The following CIDEC variants were observed in gnomAD, a reference collection of about 807,000 sequenced individuals.
The protein encoded by CIDEC is cell death inducing DFFA like effector c.
CIDEC carries 11 observed loss-of-function variants against 21.9 expected under a neutral mutation model. The ratio of observed to expected loss-of-function variants is 0.50; its 90% CI spans 0.32 to 0.83. The LOEUF (loss-of-function observed/expected upper bound fraction) is 0.83, where lower values mean the gene tolerates loss of function less well. Among genes scored for constraint, CIDEC ranks in the 40% least tolerant of loss-of-function variants. The pLI is 0.04. For synonymous variants in CIDEC, 127 were observed against 124.9 expected (o/e 1.02, Z -0.11); for missense variants, 302 against 302.3 (o/e 1.00, Z 0.01).
At chr3:9,878,681 C>A (rs909058055) in intron 2 of CIDEC, 170 bp from the exon 3 acceptor site, 2 of 1,438,758 alleles carry the variant, frequency 1.4e-6, no homozygotes, top group African/African-American at 1.4e-5. Flanking sequence ...CCCATGCATG[C>A]CAACCAAGAC....
At chr3:9,869,238 C>A (rs1218035742) in intron 6 of CIDEC, among the ~76,000 whole-genome samples, 1 of 151,874 alleles carries the variant, frequency 6.6e-6, no homozygotes, top group African/African-American at 2.4e-5. Flanking sequence ...TCAATTAAGT[C>A]TTTGACACGT....
chr3:9,877,002 C>T (rs2082432755), intron 4 of CIDEC, 64 bp downstream of exon 4: 6 of 1,404,888 alleles, frequency 4.3e-6, no homozygotes, highest in Non-Finnish European at 5.9e-6. Flanking sequence ...CTTCTAAGCC[C>T]TGACCTCCAT....
rs149965156 is a variant in CIDEC, at chr3:9,868,520, C to T, written c.555-1224G>A. On this transcript the variant is annotated intron_variant, in intron 6 of 6. Transcript: ENST00000336832. Reference sequence around the variant, plus strand: ...TCCTCATGGGTAAAATGGGATTGCACCTGCCACCCAGGGTCATAAGGCTGA... The same window carrying T: ...TCCTCATGGGTAAAATGGGATTGCATCTGCCACCCAGGGTCATAAGGCTGA... 2.6e-3 allele frequency among the ~76,000 whole-genome samples: 403 copies of T among 152,254 alleles called. 1 individual carries two copies. Among genetic ancestry groups the T allele is most frequent in the African/African-American group, 9.3e-3 (385 of 41,544 alleles).
intron 4 of CIDEC, among the ~76,000 whole-genome samples, chr3:9,875,284 G>A (rs1394266938): frequency 6.6e-6 from 1 of 151,708 alleles, no homozygotes; most frequent in African/African-American, 2.4e-5. Context: ...GGCTGAGGCA[G>A]GAGAATGGTG....
At chr3:9,879,308 C>T (rs2082474029) in intron 1 of CIDEC, among the ~76,000 whole-genome samples, 3 of 152,062 alleles carry the variant, frequency 2.0e-5, no homozygotes, top group South Asian at 2.1e-4. Context: ...CCTGCCACCA[C>T]GCCCAGCTAA....
At chr3:9,876,554 C>T (rs1389155381) in intron 4 of CIDEC, among the ~76,000 whole-genome samples, 1 of 150,258 alleles carries the variant, frequency 6.7e-6, no homozygotes, top group Non-Finnish European at 1.5e-5. Flanking sequence ...CTCAGGAGTT[C>T]GAGACCAGCC....
chr3:9,869,476 C>T (rs1214419588), intron 6 of CIDEC, among the ~76,000 whole-genome samples: 1 of 152,110 alleles, frequency 6.6e-6, no homozygotes, highest in Non-Finnish European at 1.5e-5. Context: ...TCTCAAACTC[C>T]TGACCTCAAG....
chr3:9,878,259 A>G, intron 3 of CIDEC, 175 bp downstream of exon 3: 1 of 665,374 alleles, frequency 1.5e-6, no homozygotes, highest in Non-Finnish European at 2.8e-6. Context: ...CAGCATTAAT[A>G]TCACCCAGGG....
intron 2 of CIDEC, 100 bp from the exon 3 acceptor site, chr3:9,878,611 T>G (rs1266556712): frequency 8.0e-7 from 1 of 1,243,502 alleles, no homozygotes; most frequent in African/African-American, 1.5e-5. Context: ...TCAGCAACCT[T>G]CCTCCCTATT....
Position 9,867,232 on chromosome 3 carries a change from A to C in CIDEC, c.619T>G (p.Cys207Gly), listed in dbSNP as rs148620862. ...ATGHVLLGTS[C>G]YLQQLLDATE... is the part of the protein sequence containing the mutation. ...GCATCGAGGAGCTGCTGCAGGTAACAGGAGGTGCCAAGCAGTACGTGGCCT... is the reference window on the plus strand; with the variant it reads ...GCATCGAGGAGCTGCTGCAGGTAACCGGAGGTGCCAAGCAGTACGTGGCCT... The change falls in exon 7 of 7, where the codon TGT (cysteine) becomes GGT (glycine). Residue 207 changes from cysteine (C) to glycine (G), a missense_variant. Coordinates refer to ENST00000336832, the MANE Select transcript of CIDEC (RefSeq NM_001321142.2). 1 of 1,614,182 alleles carries C rather than the reference A, an allele frequency of 6.2e-7. No homozygotes were observed.
In CIDEC at chr3:9,877,049, C is replaced by T. The variant is rs776144628; in HGVS notation, c.207+17G>A. ...CCCAGCTCACAGCTGGGCTGTGCAA[C>T]GCGCAGGTGCTCTCACCTTGAGGAG... is the stretch of plus-strand genomic sequence containing the variant. On this transcript the variant is annotated intron_variant, in intron 4 of 6. Coordinates refer to ENST00000336832, the MANE Select transcript of CIDEC (RefSeq NM_001321142.2). The T allele has an allele frequency of 1.1e-5, 17 of 1,548,328 alleles. No homozygotes were observed. Among genetic ancestry groups the T allele is most frequent in the East Asian group, 4.9e-5 (2 of 40,994 alleles).
At position 9,866,855 on chromosome 3, in the gene CIDEC, C is replaced by T; in HGVS notation, c.*279G>A. 1.7e-6 allele frequency: 1 copy of T among 601,684 alleles called. No homozygotes were observed. Among genetic ancestry groups the T allele is most frequent in the South Asian group, 2.0e-5 (1 of 50,838 alleles). 37.3% of individuals were successfully genotyped at this position (601,684 alleles called of 1,614,324 possible). A position where few individuals can be genotyped will look rare whatever the true frequency, so the allele number is the denominator to read the frequency against. ...CCTGCGAGGCCAGATTGCTAAGGGG[C>T]AGACTTCATGCCAATGGAGGGACAG... is the stretch of plus-strand genomic sequence containing the variant. On this transcript the variant is annotated 3_prime_UTR_variant, in exon 7 of 7. Coordinates refer to ENST00000336832, the MANE Select transcript of CIDEC (RefSeq NM_001321142.2).
chr3:9,870,251 C>T lies in CIDEC; in HGVS notation c.279G>A (p.Glu93=). 2 of 1,614,168 alleles carry T rather than the reference C, an allele frequency of 1.2e-6. No individual in the cohort carries two copies. The highest frequency in any genetic ancestry group is 1.7e-6 in the Non-Finnish European group (2 of 1,180,034). The part of the protein sequence containing the change: ...LVLEEDGTTV[E]TEEYFQALAG... ...CCAGGGCTTGGAAGTACTCTTCTGT[C>T]TCTACAGTTGTGCCATCTTCCTCCA... The change falls in exon 5 of 7, where the codon GAG becomes GAA. Residue 93 remains glutamate (E), a synonymous_variant. Transcript: ENST00000336832.
At chr3:9,870,142 G>C in intron 5 of CIDEC, 22 bp downstream of exon 5, 1 of 1,614,084 alleles carries the variant, frequency 6.2e-7, no homozygotes. Flanking sequence ...TCCCCCATCA[G>C]GTGCAACAGG....
At chr3:9,872,093 G>A (rs757217804) in intron 4 of CIDEC, among the ~76,000 whole-genome samples, 2 of 151,944 alleles carry the variant, frequency 1.3e-5, no homozygotes, top group Non-Finnish European at 1.5e-5. Context: ...GATTACAGAC[G>A]TGAGGCACAA....
chr3:9,870,453 T>C, intron 4 of CIDEC, 131 bp from the exon 5 acceptor site: 1 of 1,554,404 alleles, frequency 6.4e-7, no homozygotes, highest in South Asian at 1.2e-5. Flanking sequence ...ACCTCTTGGC[T>C]CCTGGCTTCA....
chr3:9,878,536 A>T (rs371554594), intron 2 of CIDEC, 25 bp from the exon 3 acceptor site: 29 of 1,598,818 alleles, frequency 1.8e-5, no homozygotes, highest in African/African-American at 1.1e-4. Flanking sequence ...GAAACAATTC[A>T]TCAGGGTGAG....
At chr3:9,878,742 A>G in intron 2 of CIDEC, 200 bp downstream of exon 2, 1 of 1,535,348 alleles carries the variant, frequency 6.5e-7, no homozygotes, top group Non-Finnish European at 8.7e-7. Context: ...GCTCAGCCTC[A>G]CTCAGCAGCT....
At chr3:9,869,822 G>T in intron 6 of CIDEC, 60 bp downstream of exon 6, 1 of 1,503,292 alleles carries the variant, frequency 6.7e-7, no homozygotes, top group Non-Finnish European at 9.2e-7. Flanking sequence ...CATGTGGACA[G>T]ATAGGGGCTC....
Sources: allele counts gnomAD v4.1 joint callset (sites outside exome capture counted in the v4.1 genomes callset), GRCh38; gene constraint gnomAD v4.1.1; transcripts MANE v1.5; gene names NCBI Gene and HGNC (gene_info 2026-07-23, HGNC 2026-07-21).